Variants in PLCL1 observed in about 807,000 individuals in gnomAD.
PLCL1 encodes the protein inactive phospholipase C-like protein 1.
Under a neutral mutation model 84.4 loss-of-function variants are expected in PLCL1, and 41 were observed. The ratio of observed to expected loss-of-function variants is 0.49; its 90% CI spans 0.38 to 0.63. The LOEUF (loss-of-function observed/expected upper bound fraction) is 0.63, where lower values mean the gene tolerates loss of function less well. Ranked by LOEUF, PLCL1 falls within the 30% of genes least tolerant of loss-of-function variation. The probability of loss-of-function intolerance (pLI) is 0.00; values close to 1 mark genes in which losing one functional copy is unlikely to be tolerated. For missense variants in PLCL1, 1,206 were observed against 1,367.8 expected (o/e 0.88, Z 1.87); for synonymous variants, 490 against 488.3 (o/e 1.00, Z -0.05).
chr2:198,033,856 A>G (rs1352783306), intron 1 of PLCL1, among the ~76,000 whole-genome samples: 1 of 151,982 alleles, frequency 6.6e-6, no homozygotes, highest in African/African-American at 2.4e-5. Context: ...TCTTTGGCTG[A>G]CTGTGCATTA....
intron 1 of PLCL1, among the ~76,000 whole-genome samples, chr2:197,834,541 C>G (rs905038833): frequency 3.9e-5 from 6 of 152,098 alleles, no homozygotes; most frequent in African/African-American, 1.4e-4. Context: ...AACAAACATA[C>G]GAATAAAAGC....
chr2:197,834,168 G>C (rs969567089), intron 1 of PLCL1, among the ~76,000 whole-genome samples: 3 of 152,138 alleles, frequency 2.0e-5, no homozygotes, highest in Non-Finnish European at 4.4e-5. Flanking sequence ...TTTAACTCAA[G>C]ATGGATTAAA....
intron 1 of PLCL1, among the ~76,000 whole-genome samples, chr2:197,939,491 G>A (rs1390568207): frequency 6.6e-6 from 1 of 152,084 alleles, no homozygotes; most frequent in Non-Finnish European, 1.5e-5. Context: ...TTTAGGTGTT[G>A]GCAGGTTTGG....
At position 198,116,788 on chromosome 2, in the gene PLCL1, A is replaced by C. The variant is rs76881958; in HGVS notation, c.3105+12852A>C. On this transcript the variant is annotated intron_variant, in intron 5 of 5. Coordinates refer to ENST00000428675, the MANE Select transcript of PLCL1 (RefSeq NM_006226.4). ...GAGACAAAGAAGAGAATCCTTCCCT[A>C]TGCAGTGAAATACACTAACCCCTCA... is the stretch of plus-strand genomic sequence containing the variant. Among the ~76,000 whole-genome samples the C allele has an allele frequency of 9.2e-5, 14 of 152,040 alleles. No homozygotes were observed. The East Asian group carries it at 2.7e-3, about 30-fold the overall frequency.
chr2:197,971,568 A>G (rs1689865358), intron 1 of PLCL1, among the ~76,000 whole-genome samples: 1 of 152,156 alleles, frequency 6.6e-6, no homozygotes, highest in African/African-American at 2.4e-5. Flanking sequence ...GAAGATAGAT[A>G]CTCTCATCAA....
At chr2:198,112,035 A>G (rs1000042014) in intron 5 of PLCL1, among the ~76,000 whole-genome samples, 1 of 151,892 alleles carries the variant, frequency 6.6e-6, no homozygotes, top group Non-Finnish European at 1.5e-5. Context: ...TTACAACACT[A>G]TATTTACAAA....
At chr2:197,975,012 G>A (rs889288188) in intron 1 of PLCL1, among the ~76,000 whole-genome samples, 44 of 151,752 alleles carry the variant, frequency 2.9e-4, no homozygotes, top group Admixed American at 1.1e-3. Flanking sequence ...GCGGTGGCGG[G>A]CACCTGTAGT....
chr2:197,914,617 T>C (rs1199156098), intron 1 of PLCL1, among the ~76,000 whole-genome samples: 3 of 152,174 alleles, frequency 2.0e-5, no homozygotes, highest in Non-Finnish European at 4.4e-5. Flanking sequence ...ATGTGAGCCA[T>C]TGTGCCCGGC....
chr2:198,127,242 T>C (rs1490285030), intron 5 of PLCL1, among the ~76,000 whole-genome samples: 1 of 152,112 alleles, frequency 6.6e-6, no homozygotes, highest in African/African-American at 2.4e-5. Flanking sequence ...TTCCACATGC[T>C]AAATCATGCT....
intron 1 of PLCL1, among the ~76,000 whole-genome samples, chr2:197,990,865 T>A (rs1000586751): frequency 6.6e-6 from 1 of 152,234 alleles, no homozygotes; most frequent in African/African-American, 2.4e-5. Flanking sequence ...ATAAAACTCA[T>A]GGAATTTATA....
intron 1 of PLCL1, among the ~76,000 whole-genome samples, chr2:197,806,921 G>C (rs1690498203): frequency 6.6e-6 from 1 of 152,186 alleles, no homozygotes; most frequent in Admixed American, 6.5e-5. Flanking sequence ...CTTGTGAATT[G>C]TACTATGCTG....
At chr2:198,111,847 A>G (rs554529204) in intron 5 of PLCL1, among the ~76,000 whole-genome samples, 2 of 151,884 alleles carry the variant, frequency 1.3e-5, no homozygotes, top group African/African-American at 2.4e-5. Context: ...AGCACTTTCT[A>G]TGTATCAAGT....
intron 1 of PLCL1, among the ~76,000 whole-genome samples, chr2:197,941,592 C>A (rs1002309619): frequency 6.6e-6 from 1 of 152,166 alleles, no homozygotes; most frequent in Non-Finnish European, 1.5e-5. Flanking sequence ...CTGGGAGCTA[C>A]TTTTGGTTGA....
At chr2:198,092,449 A>G (rs1693069230) in intron 3 of PLCL1, among the ~76,000 whole-genome samples, 1 of 152,194 alleles carries the variant, frequency 6.6e-6, no homozygotes, top group Non-Finnish European at 1.5e-5. Flanking sequence ...TAGCATATCC[A>G]TCACCTCAAA....
chr2:198,054,270 G>T (rs181946872), intron 1 of PLCL1, among the ~76,000 whole-genome samples: 3 of 152,260 alleles, frequency 2.0e-5, no homozygotes, highest in African/African-American at 4.8e-5. Context: ...TTGTTTAGAT[G>T]ATCTGAACAG....
intron 5 of PLCL1, among the ~76,000 whole-genome samples, chr2:198,106,152 A>G (rs187608467): frequency 6.6e-6 from 1 of 152,088 alleles, no homozygotes; most frequent in East Asian, 1.9e-4. Flanking sequence ...AAGTCTGTGT[A>G]TATTTCCTGA....
intron 1 of PLCL1, among the ~76,000 whole-genome samples, chr2:197,931,681 C>CACCA (rs1559048825): frequency 1.4e-5 from 1 of 69,914 alleles, no homozygotes; most frequent in African/African-American, 5.2e-5. Flanking sequence ...ACCAACCACC[C>CACCA]ACCCACCCAC....
chr2:197,805,314 C>T lies in PLCL1; in HGVS notation c.215C>T (p.Thr72Ile), dbSNP rs903518697. Reference protein sequence around the residue: ...EAGLLEAARATPRRSSIIKDP... With the variant: ...EAGLLEAARAIPRRSSIIKDP... ...GGCCTCCTGGAGGCAGCACGGGCGACCCCCCGGCGCAGCAGCATCATCAAG... is the reference window on the plus strand; with the variant it reads ...GGCCTCCTGGAGGCAGCACGGGCGATCCCCCGGCGCAGCAGCATCATCAAG... The change falls in exon 1 of 6, where the codon ACC (threonine) becomes ATC (isoleucine). Residue 72 changes from threonine to isoleucine, a missense_variant. Transcript: ENST00000428675. The surrounding 1 kb of genome is among the most constrained non-coding windows in gnomAD (Gnocchi z 4.0). 2.8e-5 allele frequency: 36 copies of T among 1,303,886 alleles called. No homozygotes were observed. Among genetic ancestry groups the T allele is most frequent in the African/African-American group, 3.1e-5 (2 of 64,866 alleles). The allele number at this position is 1,303,886 out of a possible 1,614,324, so 80.8% of individuals were successfully genotyped here. A position where few individuals can be genotyped will look rare whatever the true frequency, so the allele number is the denominator to read the frequency against.
At chr2:197,914,758 G>A (rs965237080) in intron 1 of PLCL1, among the ~76,000 whole-genome samples, 4 of 152,186 alleles carry the variant, frequency 2.6e-5, no homozygotes, top group African/African-American at 9.7e-5. Context: ...AATACCTACT[G>A]TGTGAGGGGG....
Sources: allele counts gnomAD v4.1 joint callset (sites outside exome capture counted in the v4.1 genomes callset), GRCh38; gene constraint gnomAD v4.1.1; non-coding constraint Gnocchi (gnomAD v3.1); transcripts MANE v1.5; gene names NCBI Gene and HGNC (gene_info 2026-07-23, HGNC 2026-07-21).